Variants in SGCD observed in about 807,000 individuals in gnomAD.
SGCD encodes sarcoglycan delta.
In SGCD, 18 loss-of-function variants were observed where a neutral mutation model predicts 36.6. The observed-to-expected ratio is 0.49, with a 90% CI of 0.34 to 0.73. The LOEUF is 0.73. SGCD is among the 30% of genes least tolerant of loss of function. The pLI, the probability that SGCD is intolerant of heterozygous loss-of-function variation, is 0.01. For missense variants in SGCD, 387 were observed against 346.7 expected (o/e 1.12, Z -0.92); for synonymous variants, 133 against 130.6 (o/e 1.02, Z -0.12).
At chr5:156,075,280 A>G (rs1760740181) in intron 1 of SGCD, among the ~76,000 whole-genome samples, 1 of 152,214 alleles carries the variant, frequency 6.6e-6, no homozygotes, top group Non-Finnish European at 1.5e-5. Context: ...GCAAAGGTGA[A>G]ATACATAGCA....
At chr5:156,068,364 T>C (rs1483803400) in intron 1 of SGCD, among the ~76,000 whole-genome samples, 1 of 151,744 alleles carries the variant, frequency 6.6e-6, no homozygotes, top group Admixed American at 6.6e-5. Context: ...TGAGTGAGAA[T>C]ATGCGGTGTT....
chr5:155,849,227 T>C, the SGCD span, among the ~76,000 whole-genome samples: 3 of 152,184 alleles, frequency 2.0e-5, no homozygotes, highest in African/African-American at 7.2e-5. Flanking sequence ...TAGGAATTTT[T>C]AGACGCTAAT....
At chr5:155,736,151 C>T in the SGCD span, among the ~76,000 whole-genome samples, 1 of 152,188 alleles carries the variant, frequency 6.6e-6, no homozygotes, top group Non-Finnish European at 1.5e-5. Flanking sequence ...ATCTTTATCA[C>T]ATGGTGTCAA....
the SGCD span, among the ~76,000 whole-genome samples, chr5:155,863,958 T>C: frequency 1.3e-5 from 2 of 151,868 alleles, no homozygotes; most frequent in Non-Finnish European, 2.9e-5. Context: ...AAATAAACAA[T>C]CAAATAGGAA....
the SGCD span, among the ~76,000 whole-genome samples, chr5:155,728,602 G>A: frequency 9.2e-5 from 14 of 152,136 alleles, no homozygotes; most frequent in Non-Finnish European, 1.9e-4. Flanking sequence ...TCTTCTAGGC[G>A]GCGGCCGGCG....
At chr5:155,946,150 C>T (rs114021007) in intron 1 of SGCD, among the ~76,000 whole-genome samples, 2,599 of 152,124 alleles carry the variant, frequency 0.017, 35 homozygotes, top group Non-Finnish European at 0.021. Flanking sequence ...TTGCAAACAG[C>T]GGGTCTGTGG....
chr5:156,602,015 A>G (rs1015476690), intron 6 of SGCD, among the ~76,000 whole-genome samples: 4 of 152,104 alleles, frequency 2.6e-5, no homozygotes, highest in African/African-American at 9.7e-5. Flanking sequence ...ATTGCATTAA[A>G]TCGGTAGAAT....
intron 7 of SGCD, among the ~76,000 whole-genome samples, chr5:156,651,541 A>G (rs1763460352): frequency 6.6e-6 from 1 of 152,118 alleles, no homozygotes; most frequent in South Asian, 2.1e-4. Flanking sequence ...TCCCAGCACC[A>G]TTTATTGAAT....
Position 156,211,867 on chromosome 5 carries a change from G to A in SGCD, c.-44+87848G>A, listed in dbSNP as rs1257644045. Among the ~76,000 whole-genome samples the A allele has an allele frequency of 3.3e-5, 5 of 152,212 alleles. No homozygotes were observed. In the South Asian group the frequency reaches 8.3e-4, roughly 25 times the overall value. ...TAAATTCTGACACCGAAAACAAAAT[G>A]TAGGGTTGTGTGTGTGGAATTAAAG... On this transcript the variant is annotated intron_variant, in intron 3 of 9. Coordinates refer to the SGCD transcript ENST00000517913.
At chr5:156,086,632 C>G (rs1027260083) in intron 1 of SGCD, among the ~76,000 whole-genome samples, 1 of 152,040 alleles carries the variant, frequency 6.6e-6, no homozygotes, top group Admixed American at 6.6e-5. Flanking sequence ...CAGATAACTG[C>G]CTAGTGGGGA....
At chr5:156,107,683 G>GC (rs1318746243) in intron 1 of SGCD, among the ~76,000 whole-genome samples, 1 of 151,854 alleles carries the variant, frequency 6.6e-6, no homozygotes, top group East Asian at 1.9e-4. Flanking sequence ...GTTGATCTTT[G>GC]TTTTTTTGTC....
intron 7 of SGCD, among the ~76,000 whole-genome samples, chr5:156,746,260 A>C (rs1413583708): frequency 6.6e-6 from 1 of 152,158 alleles, no homozygotes; most frequent in Admixed American, 6.5e-5. Context: ...ATGATTGTCA[A>C]TGCAGTGTTG....
chr5:156,022,218 T>C (rs1369424350), intron 1 of SGCD, among the ~76,000 whole-genome samples: 1 of 152,260 alleles, frequency 6.6e-6, no homozygotes, highest in Non-Finnish European at 1.5e-5. Context: ...TATTGCTGAA[T>C]ACTTACTGAA....
chr5:155,859,001 G>T, the SGCD span, among the ~76,000 whole-genome samples: 1,245 of 151,498 alleles, frequency 8.2e-3, 17 homozygotes, highest in African/African-American at 0.029. Flanking sequence ...CAGTTAAATA[G>T]GGCATTGTTT....
intron 1 of SGCD, among the ~76,000 whole-genome samples, chr5:155,958,811 G>A (rs1052705561): frequency 6.6e-5 from 10 of 152,042 alleles, no homozygotes; most frequent in Non-Finnish European, 1.0e-4. Context: ...TTATGCGTGC[G>A]GGAATCCCTT....
chr5:156,188,095 C>G (rs909761304), intron 3 of SGCD, among the ~76,000 whole-genome samples: 1 of 152,130 alleles, frequency 6.6e-6, no homozygotes, highest in African/African-American at 2.4e-5. Context: ...ACATTTTATG[C>G]CCCAGATGCC....
intron 4 of SGCD, among the ~76,000 whole-genome samples, chr5:156,588,770 C>T (rs560065335): frequency 5.9e-5 from 9 of 152,118 alleles, no homozygotes; most frequent in Admixed American, 4.6e-4. Context: ...TGGGTATGCC[C>T]GAGGGGCAGA....
chr5:156,445,618 CTATT>C (rs1294887688), intron 3 of SGCD, among the ~76,000 whole-genome samples: 1 of 152,146 alleles, frequency 6.6e-6, no homozygotes, highest in Non-Finnish European at 1.5e-5. Flanking sequence ...TCCCCCCGTA[CTATT>C]TGTGACCTCT....
At chr5:156,049,222 CT>C (rs1309519320) in intron 1 of SGCD, among the ~76,000 whole-genome samples, 2 of 146,362 alleles carry the variant, frequency 1.4e-5, no homozygotes, top group East Asian at 3.8e-4. Flanking sequence ...GTTTTGGTTA[CT>C]GTAGGCTTGT....
Sources: gnomAD v4.1 joint callset for allele counts (sites outside exome capture counted in the v4.1 genomes callset) on GRCh38, gnomAD v4.1.1 for gene constraint, MANE v1.5 for transcripts, NCBI Gene and HGNC (gene_info 2026-07-23, HGNC 2026-07-21) for gene names.